The following IRF2 variants were observed in gnomAD, a reference collection of about 807,000 sequenced individuals.
IRF2 encodes interferon regulatory factor 2.
Under a neutral mutation model 40.6 loss-of-function variants are expected in IRF2, and 15 were observed. The observed-to-expected ratio is 0.37, with a 90% CI of 0.25 to 0.57. The LOEUF (loss-of-function observed/expected upper bound fraction) is 0.57, where lower values mean the gene tolerates loss of function less well. Among genes scored for constraint, IRF2 ranks in the 20% least tolerant of loss-of-function variants. IRF2 has a pLI of 0.77. For missense variants in IRF2, 317 were observed against 455.7 expected (o/e 0.70, Z 2.77); for synonymous variants, 151 against 165.5 (o/e 0.91, Z 0.67).
intron 6 of IRF2, chr4:184,407,245 A>ATACAC (rs1736892258): frequency 7.8e-7 from 1 of 1,287,552 alleles, no homozygotes; most frequent in Non-Finnish European, 1.0e-6. Flanking sequence ...TCCGTTTCCC[A>ATACAC]AAAACAGAAG....
chr4:184,432,471 C>A (rs1291636001), intron 1 of IRF2, among the ~76,000 whole-genome samples: 1 of 152,194 alleles, frequency 6.6e-6, no homozygotes, highest in East Asian at 1.9e-4. Context: ...TCCTAAGAAC[C>A]AGAAGGCTAT....
intron 7 of IRF2, among the ~76,000 whole-genome samples, chr4:184,392,841 C>G (rs72701787): frequency 6.6e-6 from 1 of 152,092 alleles, no homozygotes; most frequent in Non-Finnish European, 1.5e-5. Flanking sequence ...TGAGTGATCG[C>G]GGTGGGCTGG....
At chr4:184,409,317 C>A (rs1736984343) in intron 5 of IRF2, among the ~76,000 whole-genome samples, 1 of 152,036 alleles carries the variant, frequency 6.6e-6, no homozygotes, top group East Asian at 1.9e-4. Flanking sequence ...TGGAATCAAT[C>A]CCCCCAAAAT....
At chr4:184,466,377 C>T (rs1739322392) in intron 1 of IRF2, among the ~76,000 whole-genome samples, 1 of 152,132 alleles carries the variant, frequency 6.6e-6, no homozygotes, top group Non-Finnish European at 1.5e-5. Flanking sequence ...TAGGAAAACA[C>T]ATTATCAGCC....
chr4:184,405,750 C>T (rs1736830053), intron 6 of IRF2, among the ~76,000 whole-genome samples: 1 of 152,220 alleles, frequency 6.6e-6, no homozygotes, highest in Non-Finnish European at 1.5e-5. Context: ...GAGGAGCTGA[C>T]AGCTAATTAT....
intron 6 of IRF2, among the ~76,000 whole-genome samples, chr4:184,404,904 T>A (rs978699875): frequency 6.6e-6 from 1 of 152,098 alleles, no homozygotes; most frequent in Non-Finnish European, 1.5e-5. Context: ...GAAAACAGCA[T>A]CTCAGGCTAC....
intron 1 of IRF2, among the ~76,000 whole-genome samples, chr4:184,446,979 T>C (rs572152800): frequency 2.0e-5 from 3 of 152,124 alleles, no homozygotes; most frequent in South Asian, 4.2e-4. Context: ...AAAGCATGCA[T>C]ATGTGTAAGT....
chr4:184,440,078 T>A (rs991340903), intron 1 of IRF2, among the ~76,000 whole-genome samples: 11 of 152,188 alleles, frequency 7.2e-5, no homozygotes, highest in African/African-American at 2.4e-4. Flanking sequence ...AGAAACACAG[T>A]GCAAGAACAC....
chr4:184,436,326 A>T (rs1738077581), intron 1 of IRF2, among the ~76,000 whole-genome samples: 1 of 152,230 alleles, frequency 6.6e-6, no homozygotes, highest in African/African-American at 2.4e-5. Context: ...GCAAAAATTC[A>T]TTAAACACAC....
intron 6 of IRF2, chr4:184,407,140 C>T: frequency 1.6e-6 from 2 of 1,260,342 alleles, no homozygotes; most frequent in Non-Finnish European, 2.1e-6. Flanking sequence ...TTTTACACTG[C>T]CCGGGAGATG....
chr4:184,433,545 G>A (rs531847482), intron 1 of IRF2, among the ~76,000 whole-genome samples: 12 of 152,308 alleles, frequency 7.9e-5, no homozygotes, highest in African/African-American at 2.9e-4. Flanking sequence ...AATCAGGACT[G>A]TTACTAATTA....
chr4:184,397,541 AG>A (rs1200442837), intron 7 of IRF2, among the ~76,000 whole-genome samples: 7 of 152,286 alleles, frequency 4.6e-5, no homozygotes, highest in African/African-American at 1.7e-4. Context: ...GAAAAAAAAA[AG>A]AAAGTTGGCA....
chr4:184,453,530 G>C (rs1738804902), intron 1 of IRF2, among the ~76,000 whole-genome samples: 1 of 152,242 alleles, frequency 6.6e-6, no homozygotes, highest in South Asian at 2.1e-4. Context: ...GAAGTAACAT[G>C]ACCTCGAGAA....
intron 1 of IRF2, among the ~76,000 whole-genome samples, chr4:184,437,247 G>A (rs376501888): frequency 6.0e-4 from 91 of 152,248 alleles, no homozygotes; most frequent in African/African-American, 2.1e-3. Flanking sequence ...TAGTCGAGAC[G>A]GGGTTTCACC....
intron 4 of IRF2, 44 bp downstream of exon 4, chr4:184,418,488 G>A: frequency 6.4e-7 from 1 of 1,559,954 alleles, no homozygotes; most frequent in Non-Finnish European, 8.8e-7. Flanking sequence ...AAGGCACGAT[G>A]ACACAAATTG....
At chr4:184,464,686 G>C (rs1057409359) in intron 1 of IRF2, among the ~76,000 whole-genome samples, 1 of 152,134 alleles carries the variant, frequency 6.6e-6, no homozygotes, top group African/African-American at 2.4e-5. Context: ...GTGCTGGGAA[G>C]ACGTATCTCC....
intron 1 of IRF2, among the ~76,000 whole-genome samples, chr4:184,438,707 A>G (rs767197709): frequency 1.3e-5 from 2 of 152,212 alleles, no homozygotes; most frequent in African/African-American, 2.4e-5. Flanking sequence ...AATATTTTTA[A>G]CATTTTTGTA....
chr4:184,426,128 G>C (rs572899888), intron 2 of IRF2, among the ~76,000 whole-genome samples: 29 of 152,228 alleles, frequency 1.9e-4, no homozygotes, highest in African/African-American at 6.5e-4. Flanking sequence ...TGATTCTCTT[G>C]CCTCAGCCTC....
At chr4:184,460,806 G>A (rs1015545642) in intron 1 of IRF2, among the ~76,000 whole-genome samples, 2 of 152,076 alleles carry the variant, frequency 1.3e-5, no homozygotes, top group Non-Finnish European at 2.9e-5. Context: ...TGTGAGGAGA[G>A]GGTACTAAAT....
Sources: allele counts gnomAD v4.1 joint callset (sites outside exome capture counted in the v4.1 genomes callset), GRCh38; gene constraint gnomAD v4.1.1; transcripts MANE v1.5; gene names NCBI Gene and HGNC (gene_info 2026-07-23, HGNC 2026-07-21).